Variants in MXRA7 observed in about 807,000 individuals in gnomAD.
The protein encoded by MXRA7 is matrix-remodeling-associated protein 7.
A neutral mutation model predicts 17.4 loss-of-function variants in MXRA7; 18 were observed. The ratio of observed to expected loss-of-function variants is 1.03; its 90% confidence interval spans 0.71 to 1.53. MXRA7 has a LOEUF of 1.53. Ranked by LOEUF, MXRA7 falls within the 40% of genes most tolerant of loss-of-function variation. MXRA7 has a pLI of 0.00. For synonymous variants in MXRA7, 70 were observed against 101.7 expected, an observed-to-expected ratio of 0.69 and a Z score of 1.87; for missense variants, 141 against 209.3, an observed-to-expected ratio of 0.67 and a Z score of 2.01.
At chr17:76,677,725 A>G, downstream of MXRA7, 1 of 1,577,554 alleles carries the variant, frequency 6.3e-7, no homozygotes, top group East Asian at 2.2e-5. Flanking sequence ...AAGGACAAAG[A>G]GGAAGAAGGT....
chr17:76,704,200 ATTTTTTTTTT>A (rs1162372827), intron 1 of MXRA7, among the ~76,000 whole-genome samples: 2 of 63,398 alleles, frequency 3.2e-5, no homozygotes, highest in Admixed American at 2.6e-4. Flanking sequence ...CTTCCTTCAG[ATTTTTTTTTT>A]TTTTTTTTTT....
chr17:76,692,896 C>T (rs188052943), intron 1 of MXRA7, among the ~76,000 whole-genome samples: 1 of 152,176 alleles, frequency 6.6e-6, no homozygotes, highest in East Asian at 1.9e-4. Context: ...TCCAGCTTCA[C>T]CAGGTTCCAA....
At chr17:76,679,046 G>A (rs570815133), downstream of MXRA7, among the ~76,000 whole-genome samples, 7 of 152,216 alleles carry the variant, frequency 4.6e-5, no homozygotes, top group South Asian at 2.1e-4. Context: ...TGTAATCCTA[G>A]AACTTTAGGA....
chr17:76,707,723 T>C (rs939604315), intron 1 of MXRA7, among the ~76,000 whole-genome samples: 8 of 152,084 alleles, frequency 5.3e-5, no homozygotes, highest in African/African-American at 1.9e-4. Context: ...CAATTACCAA[T>C]GTTTGGGAAT....
At chr17:76,702,528 G>A (rs986897885) in intron 1 of MXRA7, among the ~76,000 whole-genome samples, 1 of 152,040 alleles carries the variant, frequency 6.6e-6, no homozygotes, top group Non-Finnish European at 1.5e-5. Flanking sequence ...AGAAGAAGAA[G>A]AAGAAGAAGA....
At chr17:76,677,801 CTT>C (rs1216499107), downstream of MXRA7, 12 of 764,576 alleles carry the variant, frequency 1.6e-5, no homozygotes, top group East Asian at 1.0e-4. Context: ...TCTCCTCTCT[CTT>C]GTGTGACTGC....
intron 1 of MXRA7, among the ~76,000 whole-genome samples, chr17:76,694,453 TCA>T (rs2076511134): frequency 6.6e-6 from 1 of 152,164 alleles, no homozygotes; most frequent in South Asian, 2.1e-4. Flanking sequence ...TGAGTGGTTA[TCA>T]AACTGCACCT....
At chr17:76,703,308 C>G (rs2076616970) in intron 1 of MXRA7, among the ~76,000 whole-genome samples, 1 of 152,100 alleles carries the variant, frequency 6.6e-6, no homozygotes, top group Admixed American at 6.6e-5. Flanking sequence ...ATTAAATACA[C>G]ACATACACAG....
At chr17:76,703,044 G>A (rs1007986207) in intron 1 of MXRA7, among the ~76,000 whole-genome samples, 1 of 151,346 alleles carries the variant, frequency 6.6e-6, no homozygotes, top group East Asian at 2.0e-4. Context: ...CCCAGGAGGT[G>A]GAGGTTGCAG....
At chr17:76,687,472 A>G (rs2076412214) in intron 2 of MXRA7, among the ~76,000 whole-genome samples, 2 of 152,266 alleles carry the variant, frequency 1.3e-5, no homozygotes, top group Admixed American at 6.5e-5. Context: ...ACACAGAGCC[A>G]ACAAACGCTG....
chr17:76,689,583 C>A (rs1242626491), intron 1 of MXRA7: 1 of 152,170 alleles, frequency 6.6e-6, no homozygotes, highest in Non-Finnish European at 1.5e-5. Flanking sequence ...AGTGGGCAGG[C>A]CTCTTCCGGG....
Position 76,680,413 on chromosome 17 carries a change from G to C in MXRA7, c.*454C>G. 2.0e-6 allele frequency: 2 copies of C among 986,792 alleles called. No individual in the cohort carries two copies. Among genetic ancestry groups the C allele is most frequent in the Non-Finnish European group, 2.4e-6 (2 of 830,870 alleles). 61.1% of individuals were successfully genotyped at this position (986,792 alleles called of 1,614,324 possible). A position where few individuals can be genotyped will look rare whatever the true frequency, so the allele number is the denominator to read the frequency against. ...ACCCTGACGGAGCTGGTGAGCACAG[G>C]TGAGCTCTACCTCATTTGTCTCTCA... On this transcript the variant is annotated 3_prime_UTR_variant, in exon 4 of 4. Transcript: ENST00000449428.
At chr17:76,679,304 AG>A (rs904893111), downstream of MXRA7, among the ~76,000 whole-genome samples, 12 of 131,346 alleles carry the variant, frequency 9.1e-5, no homozygotes, top group South Asian at 2.5e-4. Flanking sequence ...AAAAAAAAAA[AG>A]AAGAAGAAGA....
At chr17:76,684,596 C>T (rs903552503) in intron 3 of MXRA7, 6 of 376,712 alleles carry the variant, frequency 1.6e-5, no homozygotes, top group Non-Finnish European at 5.2e-6. Context: ...AGCTGCACTG[C>T]CCGGAGCTAC....
chr17:76,682,537 C>T (rs985000399), intron 3 of MXRA7, among the ~76,000 whole-genome samples: 2 of 152,140 alleles, frequency 1.3e-5, no homozygotes, highest in South Asian at 2.1e-4. Flanking sequence ...TGAGAACCAT[C>T]GTGCTGAAGA....
At chr17:76,688,633 T>C in intron 1 of MXRA7, 1 of 1,241,236 alleles carries the variant, frequency 8.1e-7, no homozygotes, top group Non-Finnish European at 1.0e-6. Flanking sequence ...CATCCCCAAC[T>C]CTCTCAGTGT....
At position 76,710,606 on chromosome 17, in the gene MXRA7, T is replaced by C. The variant is rs1407914401; in HGVS notation, c.341A>G (p.Gln114Arg). ...GGCCGCGAGGGCCCCGGTGCGTACC[T>C]GCCTCGCCTCCACCGCCTGCTCCTC... ...EAEEQAVEAR[Q>R]EEEQDLDGEK... is the part of the protein sequence containing the mutation. Residue 114 changes from glutamine (Q) to arginine (R), a missense_variant and splice_region_variant, in exon 1 of 4, where the codon CAG becomes CGG. This residue lies in a region of MXRA7 where 67 missense variants were observed against 80.3 expected (regional missense o/e 0.83). Coordinates refer to ENST00000449428, the MANE Select transcript of MXRA7 (RefSeq NM_198530.4). The C allele has an allele frequency of 1.5e-6, 2 of 1,376,840 alleles. No homozygotes were observed. Among genetic ancestry groups the C allele is most frequent in the Non-Finnish European group, 1.9e-6 (2 of 1,060,972 alleles). 85.3% of individuals were successfully genotyped at this position (1,376,840 alleles called of 1,614,324 possible).
In MXRA7 at chr17:76,680,060, G is replaced by A. The variant is rs1454553010; in HGVS notation, c.*807C>T. ...ATAAAATTCCAAGAAACCCATTTGA[G>A]ACTGATCTGATGATCTGAAGTTCTA... On this transcript the variant is annotated 3_prime_UTR_variant, in exon 4 of 4. Transcript: ENST00000449428. 2 of 976,302 alleles carry A rather than the reference G, an allele frequency of 2.0e-6. No homozygotes were observed. Among genetic ancestry groups the A allele is most frequent in the East Asian group, 2.3e-4 (2 of 8,786 alleles). The allele number at this position is 976,302 out of a possible 1,614,324, so 60.5% of individuals were successfully genotyped here.
intron 1 of MXRA7, among the ~76,000 whole-genome samples, chr17:76,702,183 T>C (rs1460573807): frequency 2.0e-5 from 3 of 152,184 alleles, no homozygotes; most frequent in African/African-American, 7.2e-5. Flanking sequence ...GGTTGAACAA[T>C]TTTGACCATG....
Sources: gnomAD v4.1 joint callset for allele counts (sites outside exome capture counted in the v4.1 genomes callset) on GRCh38, gnomAD v4.1.1 for gene constraint, gnomAD v4.1.1 regional missense constraint, MANE v1.5 for transcripts, NCBI Gene and HGNC (gene_info 2026-07-23, HGNC 2026-07-21) for gene names.